Variants in INVS observed in about 807,000 individuals in gnomAD.
The protein encoded by INVS is inversin.
Under a neutral mutation model 108.8 loss-of-function variants are expected in INVS, and 86 were observed. The observed-to-expected ratio is 0.79, with a 90% CI of 0.66 to 0.95. The LOEUF (loss-of-function observed/expected upper bound fraction) is 0.95. Ranked by LOEUF, INVS falls within the 40% of genes least tolerant of loss-of-function variation. The pLI, the probability that INVS is intolerant of heterozygous loss-of-function variation, is 0.00. For synonymous variants in INVS, 455 were observed against 473.5 expected (o/e 0.96, Z 0.51); for missense variants, 1,169 against 1,297.4 (o/e 0.90, Z 1.52).
chr9:100,242,708 T>A (rs748502174), intron 7 of INVS, 29 bp downstream of exon 7: 1 of 1,277,568 alleles, frequency 7.8e-7, no homozygotes, highest in South Asian at 1.2e-5. Context: ...TGCTCTTTTT[T>A]CTTAGTGAAA....
chr9:100,174,223 C>T (rs10988993), intron 3 of INVS, among the ~76,000 whole-genome samples: 29,413 of 151,866 alleles, frequency 0.19, 4,535 homozygotes, highest in African/African-American at 0.43. Context: ...AAAATATGTT[C>T]GTAATGAATA....
At position 100,252,961 on chromosome 9, in the gene INVS, C is replaced by G. The variant is rs561196587; in HGVS notation, c.1289C>G (p.Ala430Gly). The G allele has an allele frequency of 6.2e-7, 1 of 1,613,854 alleles. No individual in the cohort carries two copies. Among genetic ancestry groups the G allele is most frequent in the South Asian group, 1.1e-5 (1 of 91,064 alleles). Residue 430 changes from alanine to glycine, a missense_variant, in exon 10 of 17, where the codon GCA becomes GGA. By Grantham distance (60) the Ala-to-Gly change is moderately conservative. Coordinates refer to ENST00000262457, the MANE Select transcript of INVS (RefSeq NM_014425.5). ...GATGGACATTCTCTTCTACATTGGG[C>G]AGCACTGGGAGGAAATGCTGATGTT... ...DQDGHSLLHW[A>G]ALGGNADVCQ...
chr9:100,108,350 T>C (rs1261139959), intron 2 of INVS, among the ~76,000 whole-genome samples: 1 of 152,212 alleles, frequency 6.6e-6, no homozygotes, highest in African/African-American at 2.4e-5. Context: ...GAACTTCTTA[T>C]TAATTACTGA....
At chr9:100,173,851 A>T (rs1193141157) in intron 3 of INVS, among the ~76,000 whole-genome samples, 2 of 152,236 alleles carry the variant, frequency 1.3e-5, no homozygotes, top group Admixed American at 1.3e-4. Flanking sequence ...CTAAACATAG[A>T]TGGGGAAAAA....
chr9:100,206,853 T>G (rs1830690174), intron 3 of INVS, among the ~76,000 whole-genome samples: 1 of 152,240 alleles, frequency 6.6e-6, no homozygotes. Flanking sequence ...CTTCATGATA[T>G]TCACATGTTG....
At chr9:100,210,323 A>G (rs1055015157) in intron 3 of INVS, among the ~76,000 whole-genome samples, 1 of 152,194 alleles carries the variant, frequency 6.6e-6, no homozygotes, top group African/African-American at 2.4e-5. Context: ...TGCATATAGG[A>G]GGAGCTTATG....
At chr9:100,187,132 T>C (rs1439246991) in intron 3 of INVS, among the ~76,000 whole-genome samples, 1 of 152,186 alleles carries the variant, frequency 6.6e-6, no homozygotes, top group Non-Finnish European at 1.5e-5. Context: ...CCCCAATTTA[T>C]GTTTTTGTAT....
At chr9:100,155,210 C>CAAA (rs1238068161) in intron 3 of INVS, among the ~76,000 whole-genome samples, 1 of 82,230 alleles carries the variant, frequency 1.2e-5, no homozygotes. Context: ...GACTCCATCT[C>CAAA]AAAAAAAAAA....
chr9:100,260,740 C>T (rs1588129786), intron 10 of INVS, among the ~76,000 whole-genome samples: 1 of 151,982 alleles, frequency 6.6e-6, no homozygotes, highest in African/African-American at 2.4e-5. Context: ...GTGGGGGAAG[C>T]TTGGGGGGAG....
At chr9:100,178,955 C>T (rs1208501172) in intron 3 of INVS, among the ~76,000 whole-genome samples, 1 of 152,196 alleles carries the variant, frequency 6.6e-6, no homozygotes, top group African/African-American at 2.4e-5. Flanking sequence ...AGAAACCCTA[C>T]AAGCCAGAAG....
At position 100,284,532 on chromosome 9, in the gene INVS, T is replaced by C; in HGVS notation, c.1997T>C (p.Leu666Pro). 1 of 1,614,006 alleles carries C rather than the reference T, an allele frequency of 6.2e-7. No individual in the cohort carries two copies. The highest frequency in any genetic ancestry group is 8.5e-7 in the Non-Finnish European group (1 of 1,179,910). ...AGCAGAGGATCTCCAGGAGGGTCTC[T>C]AGGCGGAGCCCTCCAGAAGGAGCAG... ...RDSRGSPGGS[L>P]GGALQKEQHV... Residue 666 changes from leucine (L) to proline (P), a missense_variant, in exon 13 of 17, where the codon CTA becomes CCA. Physicochemically the swap from Leu to Pro is moderately conservative, Grantham distance 98. Around this residue, in one of 3 missense-constraint regions of INVS, gnomAD observed 533 missense variants for 536.0 expected, o/e 0.99. Transcript: ENST00000262457.
At chr9:100,199,798 C>T (rs554309550) in intron 3 of INVS, among the ~76,000 whole-genome samples, 1 of 152,124 alleles carries the variant, frequency 6.6e-6, no homozygotes, top group African/African-American at 2.4e-5. Context: ...AGGTAGTTTT[C>T]TTTATATTAA....
intron 3 of INVS, among the ~76,000 whole-genome samples, chr9:100,217,091 T>C (rs2118345278): frequency 6.6e-6 from 1 of 152,174 alleles, no homozygotes; most frequent in African/African-American, 2.4e-5. Context: ...AGTAGATCAC[T>C]TGAGGTCAGG....
intron 3 of INVS, among the ~76,000 whole-genome samples, chr9:100,182,077 A>C (rs1829904562): frequency 6.6e-6 from 1 of 152,188 alleles, no homozygotes; most frequent in African/African-American, 2.4e-5. Context: ...GAAAACTGAA[A>C]CTGGACCCCT....
rs375665375 is a variant in INVS at position 100,104,609 on chromosome 9, C to T, written c.88C>T (p.Leu30=). Residue 30 remains leucine (L), a synonymous_variant, in exon 2 of 17, where the codon CTA becomes TTA. Coordinates refer to ENST00000262457, the MANE Select transcript of INVS (RefSeq NM_014425.5). ...AAAVNGDKGA[L]QRLIVGNSAL... is the part of the protein sequence containing the mutation. Reference sequence around the variant, plus strand: ...TGCCGTTAATGGAGATAAGGGTGCTCTACAGAGGCTCATCGTAGGTAAGCA... The same window carrying T: ...TGCCGTTAATGGAGATAAGGGTGCTTTACAGAGGCTCATCGTAGGTAAGCA... 5 of 1,613,360 alleles carry T rather than the reference C, an allele frequency of 3.1e-6. No individual in the cohort carries two copies. The highest frequency in any genetic ancestry group is 1.3e-5 in the African/African-American group (1 of 75,022).
intron 3 of INVS, among the ~76,000 whole-genome samples, chr9:100,179,679 C>T (rs1003484216): frequency 6.6e-6 from 1 of 151,896 alleles, no homozygotes; most frequent in African/African-American, 2.4e-5. Flanking sequence ...CTTAGGCTCC[C>T]ACACAATAAT....
intron 5 of INVS, among the ~76,000 whole-genome samples, chr9:100,237,511 G>T (rs1048293468): frequency 4.8e-4 from 73 of 152,294 alleles, no homozygotes; most frequent in African/African-American, 1.7e-3. Flanking sequence ...GAATCTCCTA[G>T]TCTGAAGGTT....
intron 3 of INVS, among the ~76,000 whole-genome samples, chr9:100,157,660 T>C (rs188664905): frequency 4.7e-4 from 71 of 152,314 alleles, no homozygotes; most frequent in African/African-American, 1.7e-3. Flanking sequence ...ATTATTTTAG[T>C]CTGAAAAAAG....
chr9:100,293,004 A>G lies in INVS; in HGVS notation c.2747A>G (p.Lys916Arg), dbSNP rs1206672893. The change falls in exon 14 of 17, where the codon AAG (lysine) becomes AGG (arginine). Residue 916 changes from lysine to arginine, a missense_variant. Around this residue, in one of 3 missense-constraint regions of INVS, gnomAD observed 533 missense variants for 536.0 expected, o/e 0.99. Transcript: ENST00000262457. The part of the protein sequence containing the change: ...ERRRKELFRK[K>R]NKAAAVIQRA... Reference sequence around the variant, plus strand: ...AGGAGGAAGGAGCTGTTTCGCAAAAAGAACAAGGCAGCAGCAGTCATCCAG... The same window carrying G: ...AGGAGGAAGGAGCTGTTTCGCAAAAGGAACAAGGCAGCAGCAGTCATCCAG... 2.5e-6 allele frequency: 4 copies of G among 1,613,898 alleles called. No homozygotes were observed. Among genetic ancestry groups the G allele is most frequent in the Non-Finnish European group, 8.5e-7 (1 of 1,179,902 alleles).
Sources: allele counts gnomAD v4.1 joint callset (sites outside exome capture counted in the v4.1 genomes callset), GRCh38; gene constraint gnomAD v4.1.1; regional missense constraint gnomAD v4.1.1; transcripts MANE v1.5; gene names NCBI Gene and HGNC (gene_info 2026-07-23, HGNC 2026-07-21).